Variants in CLYBL observed in about 807,000 individuals in gnomAD.
CLYBL encodes citramalyl-CoA lyase, also known as citramalyl-CoA lyase, mitochondrial.
CLYBL carries 31 observed loss-of-function variants against 38.9 expected under a neutral mutation model. That is an observed-to-expected ratio of 0.80 (90% CI 0.60 to 1.08). The LOEUF (loss-of-function observed/expected upper bound fraction) is 1.08. Among genes scored for constraint, CLYBL ranks in the 50% least tolerant of loss-of-function variants. The probability of loss-of-function intolerance (pLI) is 0.00; values close to 1 mark genes in which losing one functional copy is unlikely to be tolerated. For missense variants in CLYBL, 434 were observed against 411.6 expected (o/e 1.05, Z -0.47); for synonymous variants, 171 against 158.6 (o/e 1.08, Z -0.59).
intron 8 of CLYBL, among the ~76,000 whole-genome samples, chr13:99,903,205 T>G (rs571810080): frequency 2.0e-5 from 3 of 152,308 alleles, no homozygotes; most frequent in Admixed American, 1.3e-4. Flanking sequence ...GGAGACATGG[T>G]CTTCAATAAG....
chr13:99,643,416 T>G (rs1261863331), intron 1 of CLYBL, among the ~76,000 whole-genome samples: 1 of 152,216 alleles, frequency 6.6e-6, no homozygotes, highest in Non-Finnish European at 1.5e-5. Flanking sequence ...TTTCTGCCAA[T>G]ACCTGCATTT....
At chr13:99,715,427 T>G (rs1205781674) in intron 1 of CLYBL, among the ~76,000 whole-genome samples, 1 of 151,418 alleles carries the variant, frequency 6.6e-6, no homozygotes. Context: ...TTTTTTTTTT[T>G]TTTGAGACAG....
At chr13:99,754,011 G>A (rs1008535122) in intron 1 of CLYBL, among the ~76,000 whole-genome samples, 9 of 148,142 alleles carry the variant, frequency 6.1e-5, no homozygotes, top group Non-Finnish European at 8.9e-5. Context: ...CGCTTGAACC[G>A]GGGAGGCAGA....
At chr13:99,768,679 T>C (rs776667061) in intron 1 of CLYBL, among the ~76,000 whole-genome samples, 5 of 151,770 alleles carry the variant, frequency 3.3e-5, no homozygotes, top group East Asian at 3.9e-4. Flanking sequence ...ACCTGGCTAA[T>C]TTTTTGTATT....
intron 1 of CLYBL, among the ~76,000 whole-genome samples, chr13:99,700,392 G>A (rs563789502): frequency 3.3e-5 from 5 of 151,620 alleles, no homozygotes; most frequent in South Asian, 2.1e-4. Flanking sequence ...TGCGGTGAGC[G>A]GAGATCGCAC....
intron 1 of CLYBL, among the ~76,000 whole-genome samples, chr13:99,703,918 A>G (rs1327953219): frequency 6.6e-6 from 1 of 152,208 alleles, no homozygotes; most frequent in African/African-American, 2.4e-5. Context: ...ATAAAGATTT[A>G]TAGAATGCTA....
chr13:99,805,047 G>A (rs947753001), intron 2 of CLYBL, among the ~76,000 whole-genome samples: 5 of 152,080 alleles, frequency 3.3e-5, no homozygotes, highest in Admixed American at 6.5e-5. Context: ...ATTTCACTCC[G>A]CCTATTGTCT....
At chr13:99,762,356 T>G (rs540552542) in intron 1 of CLYBL, among the ~76,000 whole-genome samples, 2 of 152,224 alleles carry the variant, frequency 1.3e-5, no homozygotes, top group African/African-American at 4.8e-5. Context: ...TGGTGAGAGA[T>G]AGGGGTCTAG....
chr13:99,658,605 A>G (rs2047364778), intron 1 of CLYBL, among the ~76,000 whole-genome samples: 1 of 152,140 alleles, frequency 6.6e-6, no homozygotes, highest in Non-Finnish European at 1.5e-5. Flanking sequence ...GGCCTCGGCC[A>G]CAGGCAGCGG....
chr13:99,859,259 G>A (rs920289537), intron 3 of CLYBL, among the ~76,000 whole-genome samples: 7 of 152,358 alleles, frequency 4.6e-5, no homozygotes, highest in African/African-American at 1.7e-4. Flanking sequence ...CTGCACTTTT[G>A]AAATGATGCT....
intron 7 of CLYBL, among the ~76,000 whole-genome samples, chr13:99,890,928 A>G (rs1303808929): frequency 1.3e-5 from 2 of 152,166 alleles, no homozygotes; most frequent in East Asian, 3.8e-4. Flanking sequence ...CTGATGGTAC[A>G]ATTTTTTAAA....
At chr13:99,637,660 A>T (rs1259504165) in intron 1 of CLYBL, among the ~76,000 whole-genome samples, 3 of 152,160 alleles carry the variant, frequency 2.0e-5, no homozygotes, top group African/African-American at 7.2e-5. Context: ...TGGGAGGCTG[A>T]GGGAGGAGAA....
At chr13:99,704,069 C>T (rs1014396141) in intron 1 of CLYBL, among the ~76,000 whole-genome samples, 5 of 152,138 alleles carry the variant, frequency 3.3e-5, no homozygotes, top group Non-Finnish European at 7.4e-5. Flanking sequence ...GTAAAAGTTG[C>T]TTATGTAAAG....
chr13:99,892,077 G>A (rs1390539613), intron 8 of CLYBL: 1 of 152,190 alleles, frequency 6.6e-6, no homozygotes, highest in East Asian at 1.9e-4. Flanking sequence ...TGAATGCTGT[G>A]AGTCAACCAT....
intron 2 of CLYBL, among the ~76,000 whole-genome samples, chr13:99,799,697 C>T (rs2050093342): frequency 1.3e-5 from 2 of 152,232 alleles, no homozygotes; most frequent in African/African-American, 4.8e-5. Context: ...GGTGTGTCTA[C>T]ATGGCAGATA....
intron 8 of CLYBL, 35 bp downstream of exon 8, chr13:99,891,472 C>A: frequency 8.1e-7 from 1 of 1,229,704 alleles, no homozygotes; most frequent in Non-Finnish European, 1.2e-6. Flanking sequence ...TTCTTAAAGA[C>A]AAACCACAAT....
At chr13:99,630,488 G>T (rs542264909) in intron 1 of CLYBL, among the ~76,000 whole-genome samples, 1 of 152,286 alleles carries the variant, frequency 6.6e-6, no homozygotes, top group South Asian at 2.1e-4. Context: ...GAAGTTGGGG[G>T]CAGGGGAGTG....
intron 1 of CLYBL, among the ~76,000 whole-genome samples, chr13:99,641,574 G>A (rs1450904666): frequency 1.3e-5 from 2 of 151,974 alleles, no homozygotes; most frequent in South Asian, 2.1e-4. Flanking sequence ...GGAAGCCAAG[G>A]TGGGCGGATC....
intron 1 of CLYBL, among the ~76,000 whole-genome samples, chr13:99,664,713 A>G (rs1291067886): frequency 6.6e-6 from 1 of 152,210 alleles, no homozygotes; most frequent in Non-Finnish European, 1.5e-5. Context: ...TAGATTTGGT[A>G]TGTAAAATGG....
Sources: gnomAD v4.1 joint callset for allele counts (sites outside exome capture counted in the v4.1 genomes callset) on GRCh38, gnomAD v4.1.1 for gene constraint, MANE v1.5 for transcripts, NCBI Gene and HGNC (gene_info 2026-07-23, HGNC 2026-07-21) for gene names.